Variants in ROBO2 observed in about 807,000 individuals in gnomAD.
ROBO2 encodes roundabout homolog 2.
Under a neutral mutation model 160.8 loss-of-function variants are expected in ROBO2, and 53 were observed. The ratio of observed to expected loss-of-function variants is 0.33; its 90% CI spans 0.26 to 0.41. ROBO2 has a LOEUF of 0.41. Ranked by LOEUF, ROBO2 falls within the 10% of genes least tolerant of loss-of-function variation. The probability of loss-of-function intolerance (pLI) is 1.00; values close to 1 mark genes in which losing one functional copy is unlikely to be tolerated. For missense variants in ROBO2, 1,577 were observed against 1,722.4 expected (o/e 0.92, Z 1.49); for synonymous variants, 664 against 611.7 (o/e 1.09, Z -1.26).
At chr3:76,264,618 A>G (rs1418864193) in intron 2 of ROBO2, among the ~76,000 whole-genome samples, 1 of 152,152 alleles carries the variant, frequency 6.6e-6, no homozygotes, top group Non-Finnish European at 1.5e-5. Flanking sequence ...ACAGATTCAT[A>G]GTGGTCAAAA....
intron 2 of ROBO2, among the ~76,000 whole-genome samples, chr3:77,366,942 C>CCA (rs1286120115): frequency 6.8e-6 from 1 of 147,474 alleles, no homozygotes; most frequent in African/African-American, 2.5e-5. Context: ...CATGAAGGGA[C>CCA]CACCTCCATT....
At chr3:76,714,512 G>A (rs543677641) in intron 2 of ROBO2, among the ~76,000 whole-genome samples, 5 of 152,202 alleles carry the variant, frequency 3.3e-5, no homozygotes, top group Non-Finnish European at 4.4e-5. Context: ...ATAGCAAAAG[G>A]CATCAATCAG....
At chr3:76,417,482 A>T (rs1053347018) in intron 2 of ROBO2, among the ~76,000 whole-genome samples, 3 of 152,214 alleles carry the variant, frequency 2.0e-5, no homozygotes, top group Non-Finnish European at 2.9e-5. Context: ...GAGAATGAAC[A>T]TCTTTTATTC....
At chr3:76,713,916 A>G (rs886265364) in intron 2 of ROBO2, among the ~76,000 whole-genome samples, 2 of 152,062 alleles carry the variant, frequency 1.3e-5, no homozygotes, top group African/African-American at 4.8e-5. Flanking sequence ...GGATGAAATC[A>G]GGGTAGTTTC....
intron 1 of ROBO2, among the ~76,000 whole-genome samples, chr3:77,065,364 A>T (rs982433951): frequency 6.6e-6 from 1 of 152,244 alleles, no homozygotes; most frequent in Non-Finnish European, 1.5e-5. Flanking sequence ...TTAACAAGTA[A>T]TGAATGACCA....
chr3:76,578,188 TA>T (rs1410694984), intron 2 of ROBO2, among the ~76,000 whole-genome samples: 1 of 152,176 alleles, frequency 6.6e-6, no homozygotes. Flanking sequence ...TCATGAGTGT[TA>T]AATAAATCTT....
intron 2 of ROBO2, among the ~76,000 whole-genome samples, chr3:76,350,615 G>A (rs1000743695): frequency 3.3e-5 from 5 of 151,914 alleles, no homozygotes; most frequent in African/African-American, 1.2e-4. Flanking sequence ...AATCATTAAT[G>A]ACTTGGAGAC....
intron 2 of ROBO2, among the ~76,000 whole-genome samples, chr3:76,499,587 T>C (rs1362868121): frequency 1.3e-5 from 2 of 152,226 alleles, no homozygotes; most frequent in African/African-American, 2.4e-5. Flanking sequence ...AATCAGTCTC[T>C]TTTGAGATCT....
intron 2 of ROBO2, among the ~76,000 whole-genome samples, chr3:77,299,111 G>A (rs2062420842): frequency 1.3e-5 from 2 of 152,156 alleles, no homozygotes. Flanking sequence ...GGGAAAAAGA[G>A]AAGCATGAAT....
upstream of ROBO2, among the ~76,000 whole-genome samples, chr3:77,037,504 G>A (rs1358677045): frequency 6.6e-6 from 1 of 152,046 alleles, no homozygotes; most frequent in African/African-American, 2.4e-5. Flanking sequence ...TAACCAAAGC[G>A]ATTTCCCTTA....
intron 2 of ROBO2, among the ~76,000 whole-genome samples, chr3:76,680,354 A>G (rs2092525230): frequency 1.0e-5 from 1 of 100,234 alleles, no homozygotes; most frequent in African/African-American, 5.3e-5. Context: ...TGACATGGAT[A>G]TATTAAAAAA....
chr3:77,206,083 T>C (rs2083412647), intron 2 of ROBO2, among the ~76,000 whole-genome samples: 1 of 152,196 alleles, frequency 6.6e-6, no homozygotes, highest in Non-Finnish European at 1.5e-5. Flanking sequence ...CTCCGGTCTC[T>C]GCCTTCTCTT....
At chr3:76,170,999 A>G (rs2106998931) in intron 2 of ROBO2, among the ~76,000 whole-genome samples, 1 of 152,270 alleles carries the variant, frequency 6.6e-6, no homozygotes, top group African/African-American at 2.4e-5. Context: ...ATTAAAACCC[A>G]CAGAGGCAAG....
intron 2 of ROBO2, among the ~76,000 whole-genome samples, chr3:76,318,004 A>G (rs1441424868): frequency 2.0e-5 from 3 of 152,046 alleles, no homozygotes; most frequent in Non-Finnish European, 4.4e-5. Context: ...TGACATCAAA[A>G]TTTCATTTTA....
At chr3:77,109,093 G>A (rs1292167205) in intron 2 of ROBO2, among the ~76,000 whole-genome samples, 1 of 151,794 alleles carries the variant, frequency 6.6e-6, no homozygotes, top group African/African-American at 2.4e-5. Context: ...GAGATAAAAT[G>A]TTGAAAAAAA....
At chr3:76,124,681 T>G (rs2070895759) in intron 2 of ROBO2, among the ~76,000 whole-genome samples, 1 of 152,112 alleles carries the variant, frequency 6.6e-6, no homozygotes, top group African/African-American at 2.4e-5. Flanking sequence ...TTCATGGTAA[T>G]TCAATAAAGT....
At chr3:76,836,425 T>C (rs927671967) in intron 2 of ROBO2, among the ~76,000 whole-genome samples, 1 of 148,712 alleles carries the variant, frequency 6.7e-6, no homozygotes, top group Admixed American at 6.7e-5. Flanking sequence ...ACAGTATGTG[T>C]TAATTTTTTT....
intron 2 of ROBO2, among the ~76,000 whole-genome samples, chr3:77,230,296 T>A (rs1282976840): frequency 2.0e-5 from 3 of 152,058 alleles, no homozygotes; most frequent in Non-Finnish European, 4.4e-5. Context: ...GTTGCCCAGA[T>A]TGATCTCTAA....
chr3:77,389,241 G>T (rs147323809), intron 2 of ROBO2, among the ~76,000 whole-genome samples: 1 of 152,102 alleles, frequency 6.6e-6, no homozygotes, highest in Non-Finnish European at 1.5e-5. Flanking sequence ...ACCACGCCAG[G>T]CCTTATTTAT....
Sources: gnomAD v4.1 joint callset for allele counts (sites outside exome capture counted in the v4.1 genomes callset) on GRCh38, gnomAD v4.1.1 for gene constraint, MANE v1.5 for transcripts, NCBI Gene and HGNC (gene_info 2026-07-23, HGNC 2026-07-21) for gene names.